Variants in SLC43A1 observed in about 807,000 individuals in gnomAD.
SLC43A1 encodes the protein solute carrier family 43 member 1, also known as large neutral amino acids transporter small subunit 3.
In SLC43A1, 31 loss-of-function variants were observed where a neutral mutation model predicts 59.5. That is an observed-to-expected ratio of 0.52 (90% CI 0.39 to 0.70). The LOEUF (loss-of-function observed/expected upper bound fraction) is 0.70. Ranked by LOEUF, SLC43A1 falls within the 30% of genes least tolerant of loss-of-function variation. SLC43A1 has a pLI of 0.00. For synonymous variants in SLC43A1, 259 were observed against 290.9 expected (o/e 0.89, Z 1.12); for missense variants, 598 against 717.8 (o/e 0.83, Z 1.91).
chr11:57,512,543 C>CAA (rs1198549159), intron 2 of SLC43A1, among the ~76,000 whole-genome samples: 9 of 122,696 alleles, frequency 7.3e-5, no homozygotes, highest in African/African-American at 1.5e-4. Flanking sequence ...GACTCTGTCT[C>CAA]AAAAAAAAAA....
At position 57,512,839 on chromosome 11, in the gene SLC43A1, A is replaced by G. The variant is rs1365796947; in HGVS notation, c.154+1119T>C. On this transcript the variant is annotated intron_variant, in intron 2 of 14. Coordinates refer to ENST00000278426, the MANE Select transcript of SLC43A1 (RefSeq NM_003627.6). Reference sequence around the variant, plus strand: ...GCCATCTCTCGGTGCCATCTGTTGCATCTTTACAGATAACCATGGCTGGAT... The same window carrying G: ...GCCATCTCTCGGTGCCATCTGTTGCGTCTTTACAGATAACCATGGCTGGAT... Among the ~76,000 whole-genome samples, 6 of 152,270 alleles carry G rather than the reference A, an allele frequency of 3.9e-5. No homozygotes were observed. In the South Asian group the frequency reaches 1.2e-3, roughly 32 times the overall value.
intron 6 of SLC43A1, 32 bp from the exon 7 acceptor site, chr11:57,496,196 G>A: frequency 3.7e-6 from 6 of 1,611,730 alleles, no homozygotes; most frequent in Non-Finnish European, 4.2e-6. Flanking sequence ...CCGTGGGGGA[G>A]ACTGCCTGGC....
chr11:57,513,895 T>C lies in SLC43A1; in HGVS notation c.154+63A>G, dbSNP rs140398506. The C allele has an allele frequency of 5.8e-4, 788 of 1,365,764 alleles. 6 individuals carry two copies. The African/African-American group carries it at 0.01, about 18-fold the overall frequency. The allele number at this position is 1,365,764 out of a possible 1,614,324, so 84.6% of individuals were successfully genotyped here. On this transcript the variant is annotated intron_variant, in intron 2 of 14. Transcript: ENST00000278426. ...GTCCACCTGGCCACCTAACCTTTTC[T>C]GGCTTCCACCTGCCCCTTTGCCATC... is the stretch of plus-strand genomic sequence containing the variant.
At chr11:57,495,595 G>T (rs2848641) in intron 7 of SLC43A1, among the ~76,000 whole-genome samples, 1 of 152,006 alleles carries the variant, frequency 6.6e-6, no homozygotes. Flanking sequence ...GAAGGGCAAG[G>T]GGGGAGGATC....
chr11:57,494,449 C>T, intron 7 of SLC43A1: 1 of 446,202 alleles, frequency 2.2e-6, no homozygotes, highest in South Asian at 3.0e-5. Context: ...ACTCCAGAGT[C>T]AGACAGCCTG....
chr11:57,512,185 G>T (rs1376907951), intron 2 of SLC43A1, among the ~76,000 whole-genome samples: 1 of 152,088 alleles, frequency 6.6e-6, no homozygotes, highest in Admixed American at 6.6e-5. Context: ...TGTGTGGTGG[G>T]TACTGAGGCA....
intron 2 of SLC43A1, among the ~76,000 whole-genome samples, chr11:57,512,069 A>G (rs1944562706): frequency 6.6e-6 from 1 of 152,206 alleles, no homozygotes; most frequent in South Asian, 2.1e-4. Context: ...GAGGCATGGA[A>G]ATTATATCTT....
chr11:57,491,694 A>G, intron 9 of SLC43A1, 22 bp downstream of exon 9: 1 of 1,614,210 alleles, frequency 6.2e-7, no homozygotes, highest in Non-Finnish European at 8.5e-7. Flanking sequence ...CCCAACCCCC[A>G]GGGGCCTCAG....
At chr11:57,498,779 G>C (rs561189504) in intron 5 of SLC43A1, among the ~76,000 whole-genome samples, 12 of 152,192 alleles carry the variant, frequency 7.9e-5, no homozygotes, top group Non-Finnish European at 1.6e-4. Flanking sequence ...ACGCAGAGCA[G>C]GGTCAGAACC....
In SLC43A1 at chr11:57,514,298, G is replaced by A. The variant is rs1944626579; in HGVS notation, c.-13-174C>T. ...CAAGGAGCTGGCTCCGCGCGCACTAGCAGTGCCAGAGGTGCACGCGGCACG... is the reference window on the plus strand; with the variant it reads ...CAAGGAGCTGGCTCCGCGCGCACTAACAGTGCCAGAGGTGCACGCGGCACG... On this transcript the variant is annotated intron_variant, in intron 1 of 14. Coordinates refer to ENST00000278426, the MANE Select transcript of SLC43A1 (RefSeq NM_003627.6). The surrounding 1 kb of genome is among the most constrained non-coding windows in gnomAD (Gnocchi z 5.5). 4 of 698,888 alleles carry A rather than the reference G, an allele frequency of 5.7e-6. No homozygotes were observed. The allele number at this position is 698,888 out of a possible 1,614,324, so 43.3% of individuals were successfully genotyped here.
chr11:57,506,141 T>C (rs1246380288), intron 2 of SLC43A1, among the ~76,000 whole-genome samples: 1 of 151,260 alleles, frequency 6.6e-6, no homozygotes, highest in Non-Finnish European at 1.5e-5. Context: ...AGTCCAAGAG[T>C]TTGAGACTAG....
chr11:57,485,358 T>A (rs1053922977), intron 14 of SLC43A1, 116 bp from the exon 15 acceptor site: 8 of 893,910 alleles, frequency 8.9e-6, no homozygotes, highest in Non-Finnish European at 1.2e-5. Context: ...TAAATACAGC[T>A]AGTACTTATT....
Position 57,489,297 on chromosome 11 carries a change from A to C in SLC43A1, c.1289T>G (p.Leu430Arg). Residue 430 changes from leucine to arginine, a missense_variant, in exon 12 of 15, where the codon CTT becomes CGT. Coordinates refer to ENST00000278426, the MANE Select transcript of SLC43A1 (RefSeq NM_003627.6). Reference sequence around the variant, plus strand: ...GAGACAGGTGATGCCAAAACCCACAAGCAGCAGGTTGGTCAGGGTGAAGGC... The same window carrying C: ...GAGACAGGTGATGCCAAAACCCACACGCAGCAGGTTGGTCAGGGTGAAGGC... Reference protein sequence around the residue: ...ISAFTLTNLLLVGFGITCLIN... With the variant: ...ISAFTLTNLLRVGFGITCLIN... The C allele has an allele frequency of 6.2e-7, 1 of 1,614,190 alleles. No individual in the cohort carries two copies. The highest frequency in any genetic ancestry group is 8.5e-7 in the Non-Finnish European group (1 of 1,180,040).
Position 57,484,711 on chromosome 11 carries a change from A to G in SLC43A1, c.*385T>C. The G allele has an allele frequency of 6.1e-6, 1 of 164,984 alleles. No homozygotes were observed. Among genetic ancestry groups the G allele is most frequent in the Admixed American group, 5.8e-5 (1 of 17,250 alleles). The allele number at this position is 164,984 out of a possible 1,614,324, so 10.2% of individuals were successfully genotyped here. ...GTGTCTCTCTCACATTCACACATAC[A>G]CAGACACATGCATGTGTGCACACTC... On this transcript the variant is annotated 3_prime_UTR_variant, in exon 15 of 15. Transcript: ENST00000278426.
At position 57,514,962 on chromosome 11, in the gene SLC43A1, C is replaced by G. The variant is rs1028047219; in HGVS notation, c.-14+482G>C. On this transcript the variant is annotated intron_variant, in intron 1 of 14. Coordinates refer to ENST00000278426, the MANE Select transcript of SLC43A1 (RefSeq NM_003627.6). This position sits in a 1 kb window ranked among gnomAD's most constrained non-coding sequence, Gnocchi z 5.5. ...AGGGAGGGAAAGAGCCCCAGCTCCC[C>G]CCGCCGCGGCCGCTGCAGCCTCGGC... 1.0e-6 allele frequency: 1 copy of G among 974,176 alleles called. No individual in the cohort carries two copies. The highest frequency in any genetic ancestry group is 1.8e-5 in the African/African-American group (1 of 56,916). The allele number at this position is 974,176 out of a possible 1,614,324, so 60.3% of individuals were successfully genotyped here. A position where few individuals can be genotyped will look rare whatever the true frequency, so the allele number is the denominator to read the frequency against.
intron 9 of SLC43A1, 34 bp from the exon 10 acceptor site, chr11:57,491,660 C>CA: frequency 6.2e-7 from 1 of 1,614,152 alleles, no homozygotes. Flanking sequence ...GAGGGGAGCT[C>CA]AGCCAGGGTG....
intron 8 of SLC43A1, among the ~76,000 whole-genome samples, chr11:57,492,940 T>A (rs1173890484): frequency 6.6e-6 from 1 of 151,706 alleles, no homozygotes; most frequent in African/African-American, 2.4e-5. Flanking sequence ...TTTGGGAGGC[T>A]GAGGCAGGAG....
Position 57,493,979 on chromosome 11 carries a change from G to T in SLC43A1, c.871+14C>A. 1 of 1,574,648 alleles carries T rather than the reference G, an allele frequency of 6.4e-7. No homozygotes were observed. Among genetic ancestry groups the T allele is most frequent in the South Asian group, 1.2e-5 (1 of 85,888 alleles). ...CACTATCCCCCAAGGCCGGCACCTT[G>T]ACCAGACACTCACTCTCAGGAAGGT... is the stretch of plus-strand genomic sequence containing the variant. On this transcript the variant is annotated intron_variant, in intron 8 of 14. Coordinates refer to ENST00000278426, the MANE Select transcript of SLC43A1 (RefSeq NM_003627.6).
chr11:57,487,772 T>C (rs1270083492), intron 13 of SLC43A1, among the ~76,000 whole-genome samples: 2 of 151,794 alleles, frequency 1.3e-5, no homozygotes, highest in Non-Finnish European at 2.9e-5. Context: ...GAGGCCTCAC[T>C]GAGAAGAGGA....
Sources: gnomAD v4.1 joint callset for allele counts (sites outside exome capture counted in the v4.1 genomes callset) on GRCh38, gnomAD v4.1.1 for gene constraint, Gnocchi (gnomAD v3.1) non-coding constraint, MANE v1.5 for transcripts, NCBI Gene and HGNC (gene_info 2026-07-23, HGNC 2026-07-21) for gene names.